Variants in VIT observed in about 807,000 individuals in gnomAD.
VIT encodes the protein vitrin.
Under a neutral mutation model 78.0 loss-of-function variants are expected in VIT, and 99 were observed. The observed-to-expected ratio is 1.27, with a 90% CI of 1.08 to 1.50. The LOEUF is 1.50. VIT is among the 40% of genes most tolerant of loss of function. The pLI, the probability that VIT is intolerant of heterozygous loss-of-function variation, is 0.00. For synonymous variants in VIT, 374 were observed against 334.3 expected, an observed-to-expected ratio of 1.12 and a Z score of -1.29; for missense variants, 1,126 against 875.3, an observed-to-expected ratio of 1.29 and a Z score of -3.61.
At chr2:36,745,951 T>C (rs1004572919) in intron 4 of VIT, among the ~76,000 whole-genome samples, 2 of 152,192 alleles carry the variant, frequency 1.3e-5, no homozygotes, top group South Asian at 2.1e-4. Context: ...TTGTCATAGA[T>C]AGCTCTTATT....
chr2:36,717,988 A>G (rs115741559), intron 2 of VIT, among the ~76,000 whole-genome samples: 4,492 of 152,198 alleles, frequency 0.03, 96 homozygotes, highest in Non-Finnish European at 0.041. Context: ...TGGCCTGTAC[A>G]TGTATCACCC....
At chr2:36,725,221 T>A (rs1167772061) in intron 2 of VIT, among the ~76,000 whole-genome samples, 2 of 152,206 alleles carry the variant, frequency 1.3e-5, no homozygotes, top group Non-Finnish European at 2.9e-5. Flanking sequence ...GAATTGGAGA[T>A]AATTCAATGG....
chr2:36,779,412 A>G (rs752561597), intron 9 of VIT, among the ~76,000 whole-genome samples: 21 of 152,364 alleles, frequency 1.4e-4, no homozygotes, highest in Non-Finnish European at 3.1e-4. Flanking sequence ...AATGGCTTCT[A>G]CATTTTTACC....
intron 3 of VIT, among the ~76,000 whole-genome samples, chr2:36,737,355 T>C (rs1394189276): frequency 6.6e-6 from 1 of 152,090 alleles, no homozygotes; most frequent in Non-Finnish European, 1.5e-5. Flanking sequence ...TCTGAGAAGC[T>C]TTTTTTCTTT....
intron 9 of VIT, among the ~76,000 whole-genome samples, chr2:36,779,777 TCACAAAAA>T (rs1664615694): frequency 6.6e-6 from 1 of 152,226 alleles, no homozygotes; most frequent in Non-Finnish European, 1.5e-5. Flanking sequence ...GCAAGAATTG[TCACAAAAA>T]CACAAAAATA....
intron 12 of VIT, among the ~76,000 whole-genome samples, chr2:36,800,034 G>A (rs781380121): frequency 1.4e-5 from 2 of 141,110 alleles, no homozygotes; most frequent in Non-Finnish European, 3.0e-5. Flanking sequence ...GAGACACAGC[G>A]AGACTCCGTC....
chr2:36,782,589 C>T (rs746836661), intron 10 of VIT, among the ~76,000 whole-genome samples: 17 of 152,232 alleles, frequency 1.1e-4, no homozygotes, highest in Admixed American at 5.2e-4. Flanking sequence ...GCGTGCTCTG[C>T]CTGGGAAGCC....
In VIT at chr2:36,787,275, G is replaced by T; in HGVS notation, c.1057G>T (p.Gly353Ter). 1.2e-6 allele frequency: 2 copies of T among 1,611,646 alleles called. No homozygotes were observed. The highest frequency in any genetic ancestry group is 1.7e-6 in the Non-Finnish European group (2 of 1,178,488). ...TCCACTGATGGGTGTTGTCCAGTAT[G>T]GGTAAGTGCAGTTAATGTTCTGAAT... The part of the protein sequence containing the change: ...AGPLMGVVQY[G>*]DNPATHFNLK... Residue 353 changes from glycine (G) to a stop codon, truncating the protein, a stop_gained and splice_region_variant, in exon 12 of 16, where the codon GGA becomes TGA. Coordinates refer to ENST00000379242, the MANE Select transcript of VIT (RefSeq NM_053276.4). LOFTEE classifies it high-confidence loss of function.
chr2:36,778,998 C>T (rs186102704), intron 9 of VIT, among the ~76,000 whole-genome samples: 1 of 152,332 alleles, frequency 6.6e-6, no homozygotes, highest in East Asian at 1.9e-4. Flanking sequence ...GCTTGGGTCC[C>T]GTGTTGGTGA....
At chr2:36,774,092 G>C (rs1190860265) in intron 8 of VIT, among the ~76,000 whole-genome samples, 11 of 152,194 alleles carry the variant, frequency 7.2e-5, no homozygotes, top group Non-Finnish European at 1.5e-4. Context: ...TGATAGGAAT[G>C]TCTCAGGATT....
At position 36,729,458 on chromosome 2, in the gene VIT, G is replaced by A. The variant is rs1667060459; in HGVS notation, c.85G>A (p.Glu29Lys). 1 of 1,609,150 alleles carries A rather than the reference G, an allele frequency of 6.2e-7. No individual in the cohort carries two copies. Among genetic ancestry groups the A allele is most frequent in the African/African-American group, 1.3e-5 (1 of 74,920 alleles). ...LLVTGVHSNK[E>K]TAKKIKRPKF... ...GGTGACTGGAGTACATTCAAACAAA[G>A]AAACGGCAAAGAAGATTAAAAGGCC... The change falls in exon 3 of 16, where the codon GAA (glutamate) becomes AAA (lysine). Residue 29 changes from glutamate (E) to lysine (K), a missense_variant. Transcript: ENST00000379242.
intron 12 of VIT, among the ~76,000 whole-genome samples, chr2:36,794,485 C>T (rs981621957): frequency 2.6e-5 from 4 of 152,188 alleles, no homozygotes; most frequent in African/African-American, 7.2e-5. Context: ...ACCTATGTAT[C>T]TCGGAAAAGG....
intron 5 of VIT, among the ~76,000 whole-genome samples, chr2:36,755,879 A>G (rs1668729213): frequency 6.6e-6 from 1 of 150,654 alleles, no homozygotes; most frequent in South Asian, 2.1e-4. Context: ...TTTGGTGCTC[A>G]TATTTTCTGA....
At chr2:36,795,646 C>T (rs1176707330) in intron 12 of VIT, among the ~76,000 whole-genome samples, 1 of 152,076 alleles carries the variant, frequency 6.6e-6, no homozygotes, top group Admixed American at 6.5e-5. Context: ...AACTCCTGAC[C>T]TCAGGTGATC....
At chr2:36,735,890 G>A (rs189648985) in intron 3 of VIT, among the ~76,000 whole-genome samples, 1 of 152,270 alleles carries the variant, frequency 6.6e-6, no homozygotes, top group East Asian at 1.9e-4. Flanking sequence ...CTGCAACCTT[G>A]AGAACCAGAG....
chr2:36,791,211 G>A (rs909744450), intron 12 of VIT, among the ~76,000 whole-genome samples: 3 of 152,186 alleles, frequency 2.0e-5, no homozygotes, highest in African/African-American at 7.2e-5. Flanking sequence ...TTTAGTGAGT[G>A]GCTCTGACTT....
At chr2:36,776,946 A>G (rs59077487) in intron 9 of VIT, among the ~76,000 whole-genome samples, 4,250 of 147,094 alleles carry the variant, frequency 0.029, 113 homozygotes, top group East Asian at 0.094. Context: ...AAAATTAGCC[A>G]GGCGTGGTGG....
intron 11 of VIT, among the ~76,000 whole-genome samples, chr2:36,784,793 A>G (rs924165580): frequency 6.6e-6 from 1 of 152,256 alleles, no homozygotes; most frequent in African/African-American, 2.4e-5. Context: ...TCTACCTGTT[A>G]GCACTGATGC....
chr2:36,803,362 G>A (rs1238067959), intron 13 of VIT, among the ~76,000 whole-genome samples: 1 of 152,224 alleles, frequency 6.6e-6, no homozygotes, highest in East Asian at 1.9e-4. Flanking sequence ...TCTGGAAAAT[G>A]TAGTTTTCTG....
Sources: allele counts gnomAD v4.1 joint callset (sites outside exome capture counted in the v4.1 genomes callset), GRCh38; gene constraint gnomAD v4.1.1; transcripts MANE v1.5; gene names NCBI Gene and HGNC (gene_info 2026-07-23, HGNC 2026-07-21).